The following VWA3B variants were observed in gnomAD, a reference collection of about 807,000 sequenced individuals.
VWA3B encodes von Willebrand factor A domain containing 3B, also known as von Willebrand factor A domain-containing protein 3B.
A neutral mutation model predicts 158.3 loss-of-function variants in VWA3B; 138 were observed. The ratio of observed to expected loss-of-function variants is 0.87; its 90% CI spans 0.76 to 1.00. The LOEUF (loss-of-function observed/expected upper bound fraction) is 1.00, where lower values mean the gene tolerates loss of function less well. Among genes scored for constraint, VWA3B ranks in the 50% least tolerant of loss-of-function variants. VWA3B has a pLI of 0.00. For synonymous variants in VWA3B, 596 were observed against 587.3 expected, an observed-to-expected ratio of 1.01 and a Z score of -0.21; for missense variants, 1,555 against 1,565.1, an observed-to-expected ratio of 0.99 and a Z score of 0.11.
At chr2:98,281,256 G>A (rs1574270659) in intron 22 of VWA3B, among the ~76,000 whole-genome samples, 3 of 152,160 alleles carry the variant, frequency 2.0e-5, no homozygotes, top group Admixed American at 1.3e-4. Flanking sequence ...TGTTCACCAA[G>A]GTTTTAAAGG....
At chr2:98,232,732 G>A (rs933920946) in intron 16 of VWA3B, among the ~76,000 whole-genome samples, 1 of 152,120 alleles carries the variant, frequency 6.6e-6, no homozygotes, top group African/African-American at 2.4e-5. Flanking sequence ...TTCTGATGGC[G>A]ATTTAATTTT....
At chr2:98,143,449 A>G (rs559841204) in intron 7 of VWA3B, among the ~76,000 whole-genome samples, 8 of 152,186 alleles carry the variant, frequency 5.3e-5, no homozygotes, top group Non-Finnish European at 1.2e-4. Flanking sequence ...TCGTATGTCT[A>G]TTGGGTAGCA....
At chr2:98,128,107 C>A in intron 5 of VWA3B, 132 bp from the exon 6 acceptor site, 1 of 1,113,804 alleles carries the variant, frequency 9.0e-7, no homozygotes, top group Non-Finnish European at 1.3e-6. Context: ...CTCAGAAAAC[C>A]CTGGGCAGGG....
chr2:98,090,207 T>A (rs1682178643), intron 1 of VWA3B, among the ~76,000 whole-genome samples: 2 of 152,224 alleles, frequency 1.3e-5, no homozygotes, highest in Admixed American at 6.5e-5. Flanking sequence ...TTCTTTCAGC[T>A]CCAGTCTTTG....
chr2:98,122,984 C>T (rs982066155), intron 5 of VWA3B, among the ~76,000 whole-genome samples: 14 of 152,220 alleles, frequency 9.2e-5, no homozygotes, highest in African/African-American at 3.4e-4. Context: ...TGCCCACAGC[C>T]TTGATCTGGG....
At chr2:98,112,431 G>A (rs934774201) in intron 2 of VWA3B, among the ~76,000 whole-genome samples, 5 of 151,650 alleles carry the variant, frequency 3.3e-5, no homozygotes, top group African/African-American at 1.2e-4. Context: ...ATTACTGGTT[G>A]AAGTTTTTTT....
At chr2:98,275,417 AGAG>A (rs1454615216) in intron 22 of VWA3B, among the ~76,000 whole-genome samples, 1 of 152,116 alleles carries the variant, frequency 6.6e-6, no homozygotes, top group East Asian at 1.9e-4. Context: ...AGGTGCTGGG[AGAG>A]GAGGAGGAGA....
rs556162138 is a variant in VWA3B, at chr2:98,222,706, A to G, written c.2019+4678A>G. Among the ~76,000 whole-genome samples, 26 of 152,330 alleles carry G rather than the reference A, an allele frequency of 1.7e-4. No homozygotes were observed. In the South Asian group the frequency reaches 4.3e-3, roughly 25 times the overall value. On this transcript the variant is annotated intron_variant, in intron 14 of 27. Transcript: ENST00000477737. ...AACGCCTCCTGTCTCTTCAGGCAGC[A>G]CCAGCAAGGACCAGTGGGGTCCAGA...
chr2:98,216,355 T>A (rs1048827023), intron 13 of VWA3B, among the ~76,000 whole-genome samples: 3 of 152,242 alleles, frequency 2.0e-5, no homozygotes, highest in Admixed American at 1.3e-4. Context: ...TTGGGAATTC[T>A]TTAAAGTTAT....
At chr2:98,196,702 C>T (rs377560863) in intron 12 of VWA3B, among the ~76,000 whole-genome samples, 10 of 152,284 alleles carry the variant, frequency 6.6e-5, no homozygotes, top group African/African-American at 2.4e-4. Context: ...GCTTTGCCAC[C>T]ATCTTTTCAG....
Position 98,162,951 on chromosome 2 carries a change from G to C in VWA3B, c.1089G>C (p.Lys363Asn). 1 of 1,614,136 alleles carries C rather than the reference G, an allele frequency of 6.2e-7. No homozygotes were observed. Among genetic ancestry groups the C allele is most frequent in the Non-Finnish European group, 8.5e-7 (1 of 1,180,040 alleles). The change falls in exon 8 of 28, where the codon AAG (lysine) becomes AAC (asparagine). Residue 363 changes from lysine (K) to asparagine (N), a missense_variant. Coordinates refer to ENST00000477737, the MANE Select transcript of VWA3B (RefSeq NM_144992.5). ...QIQRLVAEPP[K>N]PDVATVDCES... ...AGAGGCTGGTGGCCGAGCCTCCCAAGCCCGACGTGGCCACTGTGGACTGCG... is the reference window on the plus strand; with the variant it reads ...AGAGGCTGGTGGCCGAGCCTCCCAACCCCGACGTGGCCACTGTGGACTGCG...
chr2:98,093,021 C>T, intron 1 of VWA3B, 40 bp from the exon 2 acceptor site: 1 of 1,488,486 alleles, frequency 6.7e-7, no homozygotes, highest in Non-Finnish European at 9.1e-7. Context: ...AGATGATTTC[C>T]AAGTTTTTAG....
the VWA3B span, among the ~76,000 whole-genome samples, chr2:98,323,594 C>T: frequency 6.6e-6 from 1 of 151,794 alleles, no homozygotes; most frequent in Non-Finnish European, 1.5e-5. Context: ...GCCTAAGGAA[C>T]CTCAAAACAT....
chr2:98,099,401 A>G (rs2100272), intron 2 of VWA3B: 16,938 of 152,172 alleles, frequency 0.11, 1,235 homozygotes, highest in African/African-American at 0.21. Flanking sequence ...CTTTGAATAT[A>G]TGATTCTATT....
rs369738008 is a variant in VWA3B, at chr2:98,245,646, A to G, written c.2674-4672A>G. ...GGGTTTTTCTTAAATACATTAAGTC[A>G]GGAGACAAGCTGATCATGATGAAAT... On this transcript the variant is annotated intron_variant, in intron 19 of 27. Coordinates refer to ENST00000477737, the MANE Select transcript of VWA3B (RefSeq NM_144992.5). 207 of 456,284 alleles carry G rather than the reference A, an allele frequency of 4.5e-4. No individual in the cohort carries two copies. In the East Asian group the frequency reaches 7.2e-3, roughly 16 times the overall value. The allele number at this position is 456,284 out of a possible 1,614,324, so 28.3% of individuals were successfully genotyped here. A position where few individuals can be genotyped will look rare whatever the true frequency, so the allele number is the denominator to read the frequency against.
At chr2:98,224,603 A>C (rs1364849777) in intron 14 of VWA3B, among the ~76,000 whole-genome samples, 2 of 152,200 alleles carry the variant, frequency 1.3e-5, no homozygotes, top group Non-Finnish European at 2.9e-5. Flanking sequence ...AAAAAAGTTT[A>C]AATAACCTGA....
chr2:98,224,336 A>C (rs1684747881), intron 14 of VWA3B, among the ~76,000 whole-genome samples: 1 of 152,224 alleles, frequency 6.6e-6, no homozygotes, highest in African/African-American at 2.4e-5. Context: ...AGATTTACAA[A>C]TCATATTTTT....
intron 21 of VWA3B, among the ~76,000 whole-genome samples, chr2:98,269,098 C>T (rs1688045040): frequency 6.6e-6 from 1 of 152,052 alleles, no homozygotes; most frequent in Non-Finnish European, 1.5e-5. Flanking sequence ...GGGCCATTTC[C>T]TCATATCTTT....
rs780605990 is a variant in VWA3B, at chr2:98,312,229, G to C, written c.3765G>C (p.Gly1255=). The C allele has an allele frequency of 6.2e-6, 10 of 1,614,120 alleles. No individual in the cohort carries two copies. The South Asian group carries it at 1.1e-4, about 18-fold the overall frequency. The change falls in exon 28 of 28, where the codon GGG becomes GGC. Residue 1255 remains glycine, a synonymous_variant. Transcript: ENST00000477737. ...CCCACCTCCACTTCCCCGCGGCCGGGCGTCTAGGACTCAGCAGCCACGCCA... is the reference window on the plus strand; with the variant it reads ...CCCACCTCCACTTCCCCGCGGCCGGCCGTCTAGGACTCAGCAGCCACGCCA... ...RTAHLHFPAA[G]RLGLSSHAII... is the part of the protein sequence containing the mutation.
Sources: allele counts gnomAD v4.1 joint callset (sites outside exome capture counted in the v4.1 genomes callset), GRCh38; gene constraint gnomAD v4.1.1; transcripts MANE v1.5; gene names NCBI Gene and HGNC (gene_info 2026-07-23, HGNC 2026-07-21).